SHISA6: variants seen among roughly 807,000 people sequenced by gnomAD.
SHISA6 encodes the protein protein shisa-6.
SHISA6 carries 22 observed loss-of-function variants against 47.9 expected under a neutral mutation model. That is an observed-to-expected ratio of 0.46 (90% CI 0.33 to 0.66). The LOEUF is 0.66. Ranked by LOEUF, SHISA6 falls within the 30% of genes least tolerant of loss-of-function variation. The pLI, the probability that SHISA6 is intolerant of heterozygous loss-of-function variation, is 0.02. For missense variants in SHISA6, 680 were observed against 764.6 expected (o/e 0.89, Z 1.30); for synonymous variants, 388 against 337.8 (o/e 1.15, Z -1.63).
At chr17:11,487,433 C>G (rs1916380301) in intron 3 of SHISA6, among the ~76,000 whole-genome samples, 1 of 152,104 alleles carries the variant, frequency 6.6e-6, no homozygotes, top group Non-Finnish European at 1.5e-5. Flanking sequence ...TAAACTGTTC[C>G]CAGAGAATGT....
At chr17:11,389,484 C>T (rs1913316336) in intron 3 of SHISA6, among the ~76,000 whole-genome samples, 1 of 152,180 alleles carries the variant, frequency 6.6e-6, no homozygotes, top group Admixed American at 6.5e-5. Flanking sequence ...GAATGTGTCC[C>T]ATATTCCTCA....
At chr17:11,330,555 A>T (rs909103194) in intron 2 of SHISA6, among the ~76,000 whole-genome samples, 1 of 152,014 alleles carries the variant, frequency 6.6e-6, no homozygotes, top group Non-Finnish European at 1.5e-5. Flanking sequence ...ACTAAAATTA[A>T]ACCTGTTTCT....
chr17:11,306,561 T>G (rs2008491), intron 2 of SHISA6, among the ~76,000 whole-genome samples: 55,458 of 152,088 alleles, frequency 0.36, 11,367 homozygotes, highest in Non-Finnish European at 0.47. Context: ...GTGTCCTCTG[T>G]GACTGCACCT....
intron 2 of SHISA6, among the ~76,000 whole-genome samples, chr17:11,299,113 C>G (rs1011254414): frequency 1.3e-5 from 2 of 152,200 alleles, no homozygotes; most frequent in Non-Finnish European, 2.9e-5. Context: ...AAAAGAGCTA[C>G]TCTTCAGTAA....
intron 3 of SHISA6, among the ~76,000 whole-genome samples, chr17:11,516,722 G>C (rs569287557): frequency 4.3e-4 from 66 of 152,302 alleles, no homozygotes; most frequent in African/African-American, 1.6e-3. Flanking sequence ...CATCAAAGTG[G>C]TAGTCACTGG....
chr17:11,343,774 G>T (rs1911611067), intron 2 of SHISA6, among the ~76,000 whole-genome samples: 1 of 152,246 alleles, frequency 6.6e-6, no homozygotes, highest in South Asian at 2.1e-4. Context: ...AGCTGCTATA[G>T]TCATGTCCAA....
chr17:11,389,521 T>G (rs1448642186), intron 3 of SHISA6, among the ~76,000 whole-genome samples: 2 of 152,188 alleles, frequency 1.3e-5, no homozygotes. Context: ...CTTCTTTCTA[T>G]TAGGCAGAAG....
intron 3 of SHISA6, among the ~76,000 whole-genome samples, chr17:11,399,037 C>A (rs1300676280): frequency 6.6e-6 from 1 of 150,642 alleles, no homozygotes; most frequent in South Asian, 2.1e-4. Flanking sequence ...ATATTTTTTT[C>A]TTATTTTATT....
intron 3 of SHISA6, among the ~76,000 whole-genome samples, chr17:11,489,691 G>A: frequency 6.6e-6 from 1 of 152,238 alleles, no homozygotes; most frequent in South Asian, 2.1e-4. Context: ...GAGAAGCCAA[G>A]CTTACTTAAA....
intron 2 of SHISA6, among the ~76,000 whole-genome samples, chr17:11,286,557 T>C (rs1222562183): frequency 1.3e-5 from 2 of 152,210 alleles, no homozygotes; most frequent in Non-Finnish European, 2.9e-5. Flanking sequence ...ATTTGAATGA[T>C]GCTGGAATGT....
intron 2 of SHISA6, among the ~76,000 whole-genome samples, chr17:11,299,165 T>C (rs1030608080): frequency 6.6e-6 from 1 of 152,242 alleles, no homozygotes; most frequent in African/African-American, 2.4e-5. Flanking sequence ...TGTGTCATTG[T>C]GACCTCTAGT....
rs1907310588 is a variant in SHISA6, at chr17:11,241,279, C to T, written c.-144C>T. ...GCGCGCCGCCGCCGCCACTGCCGCCCGCGCCTCGATGGCGCCATCGCCCCG... is the reference window on the plus strand; with the variant it reads ...GCGCGCCGCCGCCGCCACTGCCGCCTGCGCCTCGATGGCGCCATCGCCCCG... On this transcript the variant is annotated 5_prime_UTR_variant, in exon 1 of 6. Transcript: ENST00000441885. The surrounding 1 kb of genome is among the most constrained non-coding windows in gnomAD (Gnocchi z 5.5). 3 of 354,592 alleles carry T rather than the reference C, an allele frequency of 8.5e-6. No homozygotes were observed. Among genetic ancestry groups the T allele is most frequent in the Non-Finnish European group, 1.2e-5 (3 of 255,666 alleles). The allele number at this position is 354,592 out of a possible 1,614,324, so 22.0% of individuals were successfully genotyped here. A position where few individuals can be genotyped will look rare whatever the true frequency, so the allele number is the denominator to read the frequency against.
chr17:11,253,998 G>A (rs914867804), intron 1 of SHISA6, among the ~76,000 whole-genome samples: 1 of 152,296 alleles, frequency 6.6e-6, no homozygotes, highest in East Asian at 1.9e-4. Flanking sequence ...CAACACCACT[G>A]TTTGGATTGA....
At chr17:11,529,982 G>A (rs2071718522) in intron 3 of SHISA6, among the ~76,000 whole-genome samples, 2 of 151,944 alleles carry the variant, frequency 1.3e-5, no homozygotes, top group African/African-American at 4.8e-5. Flanking sequence ...TTGTGTATAC[G>A]TTTCTAGTTG....
intron 1 of SHISA6, among the ~76,000 whole-genome samples, chr17:11,249,898 C>A (rs78484293): frequency 2.0e-5 from 3 of 152,168 alleles, no homozygotes; most frequent in Non-Finnish European, 4.4e-5. Flanking sequence ...AGAGGCATTT[C>A]AGAAAGGAGT....
At chr17:11,355,645 T>C (rs1222484012) in intron 2 of SHISA6, among the ~76,000 whole-genome samples, 1 of 152,220 alleles carries the variant, frequency 6.6e-6, no homozygotes, top group Non-Finnish European at 1.5e-5. Context: ...TGATCTCTGC[T>C]TTTCTTCATT....
intron 3 of SHISA6, among the ~76,000 whole-genome samples, chr17:11,544,538 A>T (rs2969189): frequency 0.41 from 62,537 of 151,788 alleles, 13,250 homozygotes; most frequent in East Asian, 0.59. Context: ...AGCTAAAATT[A>T]AAAAAAAAGA....
At chr17:11,399,045 A>C (rs1432048394) in intron 3 of SHISA6, among the ~76,000 whole-genome samples, 1 of 150,182 alleles carries the variant, frequency 6.7e-6, no homozygotes, top group Admixed American at 6.6e-5. Flanking sequence ...TTCTTATTTT[A>C]TTAAAAGTAA....
rs372649117 is a variant in SHISA6 at position 11,246,104 on chromosome 17, T to G, written c.638+4044T>G. On this transcript the variant is annotated intron_variant, in intron 1 of 5. Transcript: ENST00000441885. ...TAAATAGAGAGTCGACTTATTTTTC[T>G]ACTTCAAATATAGAAGGAAAGAAAC... is the stretch of plus-strand genomic sequence containing the variant. Among the ~76,000 whole-genome samples the G allele has an allele frequency of 8.5e-5, 13 of 152,332 alleles. No individual in the cohort carries two copies. In the East Asian group the frequency reaches 1.9e-3, roughly 23 times the overall value.
Sources: allele counts gnomAD v4.1 joint callset (sites outside exome capture counted in the v4.1 genomes callset), GRCh38; gene constraint gnomAD v4.1.1; non-coding constraint Gnocchi (gnomAD v3.1); transcripts MANE v1.5; gene names NCBI Gene and HGNC (gene_info 2026-07-23, HGNC 2026-07-21).